PDK1: variants seen among roughly 807,000 people sequenced by gnomAD.
The protein encoded by PDK1 is [Pyruvate dehydrogenase (acetyl-transferring)] kinase isozyme 1, mitochondrial.
Under a neutral mutation model 54.2 loss-of-function variants are expected in PDK1, and 39 were observed. The observed-to-expected ratio is 0.72, with a 90% CI of 0.56 to 0.94. The LOEUF (loss-of-function observed/expected upper bound fraction) is 0.94. Ranked by LOEUF, PDK1 falls within the 40% of genes least tolerant of loss-of-function variation. The probability of loss-of-function intolerance (pLI) is 0.00; values close to 1 mark genes in which losing one functional copy is unlikely to be tolerated. For synonymous variants in PDK1, 221 were observed against 207.1 expected (o/e 1.07, Z -0.58); for missense variants, 552 against 566.0 (o/e 0.98, Z 0.25).
chr2:172,568,213 A>T (rs1490746816), intron 6 of PDK1, among the ~76,000 whole-genome samples: 1 of 151,492 alleles, frequency 6.6e-6, no homozygotes, highest in Non-Finnish European at 1.5e-5. Context: ...CTGTAATCCC[A>T]GCTACTCGGG....
the PDK1 span, among the ~76,000 whole-genome samples, chr2:172,696,669 T>C: frequency 1.3e-5 from 2 of 152,248 alleles, no homozygotes; most frequent in African/African-American, 4.8e-5. Flanking sequence ...TTATACACTC[T>C]GACTCTGTCA....
chr2:172,558,929 C>A, intron 2 of PDK1, 80 bp downstream of exon 2: 1 of 1,326,950 alleles, frequency 7.5e-7, no homozygotes, highest in South Asian at 1.3e-5. Context: ...TTTTTTTACT[C>A]TTTGGTGGAA....
At chr2:172,568,173 G>A (rs1689054905) in intron 6 of PDK1, among the ~76,000 whole-genome samples, 1 of 151,484 alleles carries the variant, frequency 6.6e-6, no homozygotes, top group Non-Finnish European at 1.5e-5. Flanking sequence ...TCTACTAAAA[G>A]AAAAATCAGC....
In PDK1 at chr2:172,605,391, T is replaced by TG; in HGVS notation, c.*9422_*9423insG. ...TAATTTTTTTTTTTTTTTTTTTTTTTTGGAAGCAGAGTCTTGCTCTTTTGC... is the reference window on the plus strand; with the variant it reads ...TAATTTTTTTTTTTTTTTTTTTTTTTGTGGAAGCAGAGTCTTGCTCTTTTGC... On this transcript the variant is annotated 3_prime_UTR_variant, in exon 11 of 11. Coordinates refer to ENST00000282077, the MANE Select transcript of PDK1 (RefSeq NM_002610.5). 6.7e-6 allele frequency: 1 copy of TG among 149,696 alleles called. No individual in the cohort carries two copies. Among genetic ancestry groups the TG allele is most frequent in the African/African-American group, 2.5e-5 (1 of 39,812 alleles). 9.3% of individuals were successfully genotyped at this position (149,696 alleles called of 1,614,324 possible).
the PDK1 span, among the ~76,000 whole-genome samples, chr2:172,618,775 CT>C: frequency 1.3e-5 from 2 of 152,278 alleles, no homozygotes; most frequent in South Asian, 4.1e-4. Flanking sequence ...AAGTAAGAAG[CT>C]TTCCTACAGT....
chr2:172,651,282 C>T, the PDK1 span, among the ~76,000 whole-genome samples: 1 of 152,116 alleles, frequency 6.6e-6, no homozygotes. Context: ...CCAATGAGAA[C>T]AAAGACACAA....
At chr2:172,633,381 C>CTTTTT in the PDK1 span, among the ~76,000 whole-genome samples, 2 of 103,992 alleles carry the variant, frequency 1.9e-5, no homozygotes, top group African/African-American at 7.4e-5. Context: ...GATTTTCTTT[C>CTTTTT]TTTTTTTTTT....
At chr2:172,586,443 G>A in intron 9 of PDK1, 55 bp downstream of exon 9, 1 of 1,054,954 alleles carries the variant, frequency 9.5e-7, no homozygotes, top group Non-Finnish European at 1.5e-6. Context: ...TCCACATGCT[G>A]TAGCTGCCAA....
chr2:172,662,494 G>GTGTGTGTGTGTGTGTA, the PDK1 span, among the ~76,000 whole-genome samples: 16 of 490 alleles, frequency 0.033, no homozygotes, highest in African/African-American at 0.094. Flanking sequence ...TTTTAAAATC[G>GTGTGTGTGTGTGTGTA]TGTGTGTGTG....
In PDK1 at chr2:172,557,862, C is replaced by G. The variant is rs374983163; in HGVS notation, c.197-846C>G. Among the ~76,000 whole-genome samples the G allele has an allele frequency of 9.2e-5, 14 of 152,120 alleles. No homozygotes were observed. In the South Asian group the frequency reaches 2.5e-3, roughly 27 times the overall value. ...CCTATGCAAACATCAAAATTTTCCT[C>G]TTTCTTTTGAGACAGGGTTTTACTC... On this transcript the variant is annotated intron_variant, in intron 1 of 10. Transcript: ENST00000282077.
Position 172,606,912 on chromosome 2 carries a change from T to A in PDK1, c.*10943T>A, listed in dbSNP as rs538294954. ...AAACCTTGCACCCATTAAACAGTGG[T>A]AGTTTCTCTATCATGCCACTTTTGT... On this transcript the variant is annotated 3_prime_UTR_variant, in exon 11 of 11. Coordinates refer to ENST00000282077, the MANE Select transcript of PDK1 (RefSeq NM_002610.5). The A allele has an allele frequency of 2.0e-5, 3 of 152,254 alleles. No individual in the cohort carries two copies. The highest frequency in any genetic ancestry group is 7.2e-5 in the African/African-American group (3 of 41,554). The allele number at this position is 152,254 out of a possible 1,614,324, so 9.4% of individuals were successfully genotyped here. A position where few individuals can be genotyped will look rare whatever the true frequency, so the allele number is the denominator to read the frequency against.
At chr2:172,710,219 C>A in the PDK1 span, among the ~76,000 whole-genome samples, 7 of 152,256 alleles carry the variant, frequency 4.6e-5, no homozygotes, top group African/African-American at 1.4e-4. Context: ...TCACCACATC[C>A]AAAATGCAAA....
At chr2:172,580,156 G>T (rs1015000463) in intron 8 of PDK1, among the ~76,000 whole-genome samples, 1 of 148,258 alleles carries the variant, frequency 6.7e-6, no homozygotes, top group East Asian at 2.0e-4. Flanking sequence ...TCTCTCGTTT[G>T]TTCATTTTAA....
At chr2:172,584,830 GTTT>G (rs1273636309) in intron 8 of PDK1, among the ~76,000 whole-genome samples, 3 of 116,490 alleles carry the variant, frequency 2.6e-5, no homozygotes, top group African/African-American at 3.2e-5. Flanking sequence ...TAATTTTAAA[GTTT>G]TTTTTTTTTT....
the PDK1 span, among the ~76,000 whole-genome samples, chr2:172,622,688 GAT>G: frequency 1.8e-4 from 26 of 145,694 alleles, no homozygotes; most frequent in Admixed American, 4.1e-4. Context: ...TATTATGTGA[GAT>G]ATGTTTATAT....
At chr2:172,696,090 TTGAA>T in the PDK1 span, among the ~76,000 whole-genome samples, 1 of 150,920 alleles carries the variant, frequency 6.6e-6, no homozygotes. Context: ...CGAGAATTCC[TTGAA>T]CACAGGAGCA....
the PDK1 span, among the ~76,000 whole-genome samples, chr2:172,621,291 A>G: frequency 2.4e-3 from 370 of 152,302 alleles, 1 homozygote; most frequent in Middle Eastern, 0.017. Flanking sequence ...GGTGAGCACC[A>G]TCTAATCAGC....
At chr2:172,718,479 G>A in the PDK1 span, among the ~76,000 whole-genome samples, 4 of 152,356 alleles carry the variant, frequency 2.6e-5, no homozygotes, top group Admixed American at 2.6e-4. Context: ...ATTGAGATCT[G>A]TAAGATATAT....
the PDK1 span, among the ~76,000 whole-genome samples, chr2:172,708,884 C>T: frequency 6.6e-6 from 1 of 152,140 alleles, no homozygotes; most frequent in Non-Finnish European, 1.5e-5. Flanking sequence ...ATGGAACTTT[C>T]CGTCTGTGGC....
Sources: allele counts gnomAD v4.1 joint callset (sites outside exome capture counted in the v4.1 genomes callset), GRCh38; gene constraint gnomAD v4.1.1; transcripts MANE v1.5; gene names NCBI Gene and HGNC (gene_info 2026-07-23, HGNC 2026-07-21).